The following RTEL1 variants were observed in gnomAD, a reference collection of about 807,000 sequenced individuals.
RTEL1 encodes regulator of telomere length.
In RTEL1, 86 loss-of-function variants were observed where a neutral mutation model predicts 162.2. The ratio of observed to expected loss-of-function variants is 0.53; its 90% CI spans 0.45 to 0.63. The LOEUF (loss-of-function observed/expected upper bound fraction) is 0.63. Among genes scored for constraint, RTEL1 ranks in the 30% least tolerant of loss-of-function variants. RTEL1 has a pLI of 0.00. For missense variants in RTEL1, 1,941 were observed against 1,750.2 expected, an observed-to-expected ratio of 1.11 and a Z score of -1.95; for synonymous variants, 958 against 717.9, an observed-to-expected ratio of 1.33 and a Z score of -5.35.
intron 29 of RTEL1, 61 bp downstream of exon 29, chr20:63,693,064 GGGGCCATCT>G: frequency 6.2e-7 from 1 of 1,609,678 alleles, no homozygotes; most frequent in East Asian, 2.2e-5. Flanking sequence ...GTGTGGGGTG[GGGGCCATCT>G]GGGTCCAAGG....
At chr20:63,660,810 G>C (rs185950044) in intron 2 of RTEL1, 1 of 163,232 alleles carries the variant, frequency 6.1e-6, no homozygotes. Flanking sequence ...TTTGAACCTC[G>C]GGGGTGCAGG....
chr20:63,686,723 C>G (rs777670761), intron 16 of RTEL1: 1 of 152,734 alleles, frequency 6.5e-6, no homozygotes, highest in Non-Finnish European at 1.5e-5. Context: ...GACCCCCGCT[C>G]GGTGATGGTC....
chr20:63,662,876 C>T lies in RTEL1; in HGVS notation c.525C>T (p.Tyr175=), dbSNP rs1161373315. ...TGGCAAGTCGCTCCTGTCATTTCTA[C>T]AACAACGTAGAAGGTACAAGCAGCT... The part of the protein sequence containing the change: ...KKVASRSCHF[Y]NNVEEKSLEQ... The change falls in exon 6 of 35, where the codon TAC becomes TAT. Residue 175 remains tyrosine (Y), a synonymous_variant. Coordinates refer to ENST00000360203, the MANE Select transcript of RTEL1 (RefSeq NM_001283009.2). The T allele has an allele frequency of 1.2e-6, 2 of 1,613,924 alleles. No homozygotes were observed. Among genetic ancestry groups the T allele is most frequent in the East Asian group, 2.2e-5 (1 of 44,904 alleles).
chr20:63,664,714 C>G (rs775586501), intron 6 of RTEL1, among the ~76,000 whole-genome samples: 3 of 152,210 alleles, frequency 2.0e-5, no homozygotes, highest in Non-Finnish European at 4.4e-5. Context: ...GCACCTGCAC[C>G]GGCCTGAGCA....
chr20:63,671,085 G>T (rs2090231918), intron 8 of RTEL1, among the ~76,000 whole-genome samples: 1 of 152,166 alleles, frequency 6.6e-6, no homozygotes, highest in South Asian at 2.1e-4. Flanking sequence ...TTTTGAAATG[G>T]AGTCTCGCTC....
In RTEL1 at chr20:63,689,020, G is replaced by T. The variant is rs138120257; in HGVS notation, c.1801-35G>T. On this transcript the variant is annotated intron_variant, in intron 21 of 34. Transcript: ENST00000360203. ...ATGGGGGAGGAAGGGGCTGGGGGGG[G>T]GCTCCAGGCTCAGCCTCACCAACTT... 6.4e-4 allele frequency: 1,005 copies of T among 1,578,784 alleles called. 4 individuals carry two copies. The African/African-American group carries it at 8.6e-3, about 14-fold the overall frequency.
Position 63,690,857 on chromosome 20 carries a change from G to C in RTEL1, c.2466G>C (p.Gln822His), listed in dbSNP as rs1187708777. 6.2e-7 allele frequency: 1 copy of C among 1,604,346 alleles called. No individual in the cohort carries two copies. The highest frequency in any genetic ancestry group is 8.5e-7 in the Non-Finnish European group (1 of 1,177,054). The stretch of plus-strand genomic sequence containing the variant: ...GTAGCCTGTGTGTGGAGTATGAGCA[G>C]GAGCCAGTTCCTGCCCGGCAGAGGC... Reference protein sequence around the residue: ...PESSLCVEYEQEPVPARQRPR... With the variant: ...PESSLCVEYEHEPVPARQRPR... The change falls in exon 27 of 35, where the codon CAG becomes CAC. Residue 822 changes from glutamine (Q) to histidine (H), a missense_variant. Gln to His is a conservative substitution (Grantham distance 24). Transcript: ENST00000360203.
chr20:63,691,493 G>A (rs1334413142), intron 27 of RTEL1, among the ~76,000 whole-genome samples: 2 of 151,988 alleles, frequency 1.3e-5, no homozygotes, highest in African/African-American at 4.8e-5. Context: ...CCAGCCCCTC[G>A]CTGTGGTCGG....
intron 14 of RTEL1, among the ~76,000 whole-genome samples, chr20:63,682,816 C>T (rs1048338399): frequency 2.6e-5 from 4 of 152,294 alleles, no homozygotes; most frequent in Middle Eastern, 3.4e-3. Context: ...GCCGTGTGCT[C>T]GGAAGTCAGG....
chr20:63,672,876 C>T (rs1049823882), intron 9 of RTEL1, among the ~76,000 whole-genome samples: 2 of 152,228 alleles, frequency 1.3e-5, no homozygotes, highest in Non-Finnish European at 2.9e-5. Flanking sequence ...CTCACCAGAC[C>T]CTTTCCCTCC....
In RTEL1 at chr20:63,695,110, C is replaced by T; in HGVS notation, c.3388C>T (p.Gln1130Ter). The T allele has an allele frequency of 1.2e-6, 2 of 1,612,384 alleles. No homozygotes were observed. Among genetic ancestry groups the T allele is most frequent in the Non-Finnish European group, 8.5e-7 (1 of 1,179,868 alleles). Residue 1130 changes from glutamine (Q) to a stop codon, truncating the protein, a stop_gained, in exon 33 of 35, where the codon CAG becomes TAG. Coordinates refer to ENST00000360203, the MANE Select transcript of RTEL1 (RefSeq NM_001283009.2). LOFTEE classifies it high-confidence loss of function. ...VRPHHKQRFS[Q>*]TCTDLTGRPY... ...TCCACACCACAAGCAGCGCTTCTCA[C>T]AGACGTGCACAGACCTGACCGGCCG...
chr20:63,663,228 T>C (rs1382010842), intron 6 of RTEL1, among the ~76,000 whole-genome samples: 1 of 152,234 alleles, frequency 6.6e-6, no homozygotes, highest in Non-Finnish European at 1.5e-5. Flanking sequence ...CGGCTTTCTC[T>C]TCGGGGACTT....
In RTEL1 at chr20:63,692,975, G is replaced by A. The variant is rs61736614; in HGVS notation, c.2823G>A (p.Glu941=). 27 of 1,612,596 alleles carry A rather than the reference G, an allele frequency of 1.7e-5. No individual in the cohort carries two copies. The highest frequency in any genetic ancestry group is 2.2e-5 in the East Asian group (1 of 44,894). The change falls in exon 29 of 35, where the codon GAG becomes GAA. Residue 941 remains glutamate, a synonymous_variant. Transcript: ENST00000360203. ...CCTGTCTCGGCCCCCTCTTTGCTGAGGACCCCAAGAAGCACAACCTGCTCC... is the reference window on the plus strand; with the variant it reads ...CCTGTCTCGGCCCCCTCTTTGCTGAAGACCCCAAGAAGCACAACCTGCTCC... ...LAACLGPLFA[E]DPKKHNLLQG... is the part of the protein sequence containing the mutation.
intron 14 of RTEL1, among the ~76,000 whole-genome samples, chr20:63,682,839 G>A (rs2090506116): frequency 6.6e-6 from 1 of 152,242 alleles, no homozygotes; most frequent in African/African-American, 2.4e-5. Context: ...TTAGCTGGAG[G>A]CAAACTCTGG....
Position 63,662,547 on chromosome 20 carries a change from C to A in RTEL1, c.397C>A (p.Pro133Thr), listed in dbSNP as rs942504504. The change falls in exon 5 of 35, where the codon CCT becomes ACT. Residue 133 changes from proline to threonine, a missense_variant and splice_region_variant. Pro to Thr is a conservative substitution (Grantham distance 38). Coordinates refer to ENST00000360203, the MANE Select transcript of RTEL1 (RefSeq NM_001283009.2). ...ACCCACGGTGCTCTCTCCCACCAGG[C>A]CTAAGGTGTGTGTGCTGGGCTCCCG... ...INELRNTSYRPKVCVLGSREQ... is the reference protein window; with the variant it reads ...INELRNTSYRTKVCVLGSREQ... 6.2e-7 allele frequency: 1 copy of A among 1,613,904 alleles called. No homozygotes were observed. Among genetic ancestry groups the A allele is most frequent in the Non-Finnish European group, 8.5e-7 (1 of 1,180,022 alleles).
intron 13 of RTEL1, among the ~76,000 whole-genome samples, chr20:63,680,453 C>T (rs544477245): frequency 5.9e-5 from 9 of 152,230 alleles, no homozygotes; most frequent in African/African-American, 2.2e-4. Flanking sequence ...CCCTTGGAGA[C>T]TCTGTCCCTG....
In RTEL1 at chr20:63,683,781, G is replaced by C. The variant is rs141023548; in HGVS notation, c.1192-1742G>C. Among the ~76,000 whole-genome samples the C allele has an allele frequency of 2.9e-3, 438 of 152,208 alleles. 2 individuals carry two copies. Among genetic ancestry groups the C allele is most frequent in the African/African-American group, 0.01 (421 of 41,516 alleles). ...TTTGGCTCGTTTTCCAGGAACGGTC[G>C]TCACGCGCTCCTCTCCTAGTGCAGG... is the stretch of plus-strand genomic sequence containing the variant. On this transcript the variant is annotated intron_variant, in intron 14 of 34. Transcript: ENST00000360203.
At chr20:63,681,896 T>C in intron 14 of RTEL1, 1 of 985,330 alleles carries the variant, frequency 1.0e-6, no homozygotes, top group African/African-American at 1.7e-5. Flanking sequence ...CCTCTGTCTG[T>C]GGCTCCTGCC....
intron 6 of RTEL1, among the ~76,000 whole-genome samples, chr20:63,664,503 C>T (rs1012136637): frequency 2.0e-5 from 3 of 152,114 alleles, no homozygotes; most frequent in African/African-American, 4.8e-5. Context: ...GTGCTGCTTC[C>T]GTCTGTGTTA....
Sources: gnomAD v4.1 joint callset for allele counts (sites outside exome capture counted in the v4.1 genomes callset) on GRCh38, gnomAD v4.1.1 for gene constraint, MANE v1.5 for transcripts, NCBI Gene and HGNC (gene_info 2026-07-23, HGNC 2026-07-21) for gene names.